Variants in LDLRAD3 observed in about 807,000 individuals in gnomAD.
The protein encoded by LDLRAD3 is low-density lipoprotein receptor class A domain-containing protein 3.
In LDLRAD3, 20 loss-of-function variants were observed where a neutral mutation model predicts 29.4. The observed-to-expected ratio is 0.68, with a 90% CI of 0.48 to 0.99. LDLRAD3 has a LOEUF of 0.99. Ranked by LOEUF, LDLRAD3 falls within the 50% of genes least tolerant of loss-of-function variation. LDLRAD3 has a pLI of 0.00. For synonymous variants in LDLRAD3, 157 were observed against 192.7 expected, an observed-to-expected ratio of 0.81 and a Z score of 1.53; for missense variants, 420 against 454.3, an observed-to-expected ratio of 0.92 and a Z score of 0.69.
intron 4 of LDLRAD3, among the ~76,000 whole-genome samples, chr11:36,192,857 G>A (rs927512203): frequency 1.3e-5 from 2 of 152,120 alleles, no homozygotes; most frequent in African/African-American, 2.4e-5. Context: ...GCACATGCTC[G>A]TGAGTATAGC....
chr11:35,949,612 G>A (rs758200738), intron 1 of LDLRAD3, among the ~76,000 whole-genome samples: 13 of 152,134 alleles, frequency 8.5e-5, no homozygotes, highest in South Asian at 8.3e-4. Flanking sequence ...AGTTTTCATC[G>A]TACACTTTTT....
chr11:36,099,433 A>C (rs1343584337), intron 4 of LDLRAD3, among the ~76,000 whole-genome samples: 2 of 152,048 alleles, frequency 1.3e-5, no homozygotes, highest in Non-Finnish European at 2.9e-5. Flanking sequence ...AATCTTTCCT[A>C]TTTTCACTTA....
chr11:36,062,935 C>T (rs78080793), intron 2 of LDLRAD3, among the ~76,000 whole-genome samples: 3,103 of 152,140 alleles, frequency 0.02, 92 homozygotes, highest in African/African-American at 0.062. Context: ...CTTTGTATAG[C>T]AGGGAAGAAA....
chr11:36,038,919 G>T (rs1313751896), intron 2 of LDLRAD3, among the ~76,000 whole-genome samples: 1 of 151,686 alleles, frequency 6.6e-6, no homozygotes, highest in Non-Finnish European at 1.5e-5. Context: ...TAGAGGGAAG[G>T]AGAAAAAGTC....
chr11:35,947,335 C>T (rs1037455017), intron 1 of LDLRAD3, among the ~76,000 whole-genome samples: 2 of 151,858 alleles, frequency 1.3e-5, no homozygotes, highest in East Asian at 1.9e-4. Context: ...ATGGTGAAAC[C>T]GTCGTCTCTA....
At chr11:36,170,451 T>A (rs1045827236) in intron 4 of LDLRAD3, among the ~76,000 whole-genome samples, 3 of 152,038 alleles carry the variant, frequency 2.0e-5, no homozygotes, top group Admixed American at 1.3e-4. Flanking sequence ...TTGCAAATTG[T>A]GCTGCTATAA....
At chr11:36,014,521 T>C (rs1207467516) in intron 1 of LDLRAD3, among the ~76,000 whole-genome samples, 1 of 152,178 alleles carries the variant, frequency 6.6e-6, no homozygotes, top group Non-Finnish European at 1.5e-5. Flanking sequence ...ACAACTCCCC[T>C]TGGCTGGGTG....
At chr11:35,991,190 A>G (rs562535888) in intron 1 of LDLRAD3, among the ~76,000 whole-genome samples, 14 of 152,294 alleles carry the variant, frequency 9.2e-5, no homozygotes, top group Middle Eastern at 6.8e-3. Flanking sequence ...ATGCATCTCA[A>G]TTACAGAATA....
chr11:36,027,114 C>T (rs769342782), intron 1 of LDLRAD3, among the ~76,000 whole-genome samples: 4 of 152,180 alleles, frequency 2.6e-5, no homozygotes, highest in Non-Finnish European at 5.9e-5. Context: ...CCAAATTGCT[C>T]TTCAGATGTG....
intron 4 of LDLRAD3, among the ~76,000 whole-genome samples, chr11:36,183,209 A>T (rs143323207): frequency 6.6e-6 from 1 of 152,314 alleles, no homozygotes; most frequent in Non-Finnish European, 1.5e-5. Context: ...CTTTTGGGAG[A>T]CACTTCACAA....
chr11:36,002,979 T>A (rs1851842525), intron 1 of LDLRAD3, among the ~76,000 whole-genome samples: 1 of 152,268 alleles, frequency 6.6e-6, no homozygotes, highest in South Asian at 2.1e-4. Context: ...GTTATTACGT[T>A]ATCATCACAT....
At chr11:36,099,901 T>G (rs1390097587) in intron 4 of LDLRAD3, among the ~76,000 whole-genome samples, 1 of 152,172 alleles carries the variant, frequency 6.6e-6, no homozygotes, top group Non-Finnish European at 1.5e-5. Flanking sequence ...TTGGATAGAA[T>G]TAGCTTCTGA....
rs190322890 is a variant in LDLRAD3, at chr11:36,052,038, G to A, written c.193+15789G>A. 4.9e-4 allele frequency among the ~76,000 whole-genome samples: 75 copies of A among 152,332 alleles called. 2 individuals are homozygous for A. The East Asian group carries it at 6.6e-3, about 13-fold the overall frequency. ...AACAAGCAGCCCAGGGGAGTCTGGT[G>A]CTCACTGAATTTTGAAACTCATCTG... On this transcript the variant is annotated intron_variant, in intron 2 of 5. Transcript: ENST00000315571.
At position 36,171,881 on chromosome 11, in the gene LDLRAD3, G is replaced by A. The variant is rs185259937; in HGVS notation, c.455-55204G>A. Reference sequence around the variant, plus strand: ...AAGAATTATGATAATATATTGATGGGAATTAGATTGAATTTGGAGATTGCT... The same window carrying A: ...AAGAATTATGATAATATATTGATGGAAATTAGATTGAATTTGGAGATTGCT... On this transcript the variant is annotated intron_variant, in intron 4 of 5. Transcript: ENST00000315571. Among the ~76,000 whole-genome samples the A allele has an allele frequency of 3.3e-3, 498 of 152,106 alleles. 3 individuals are homozygous for A. Among genetic ancestry groups the A allele is most frequent in the Non-Finnish European group, 4.4e-3 (300 of 68,004 alleles).
intron 4 of LDLRAD3, among the ~76,000 whole-genome samples, chr11:36,191,647 A>G (rs1464135514): frequency 6.7e-6 from 1 of 149,770 alleles, no homozygotes; most frequent in Non-Finnish European, 1.5e-5. Context: ...CACAAAGAAG[A>G]AATTGATAGA....
chr11:35,976,931 T>C (rs1851484267), intron 1 of LDLRAD3, among the ~76,000 whole-genome samples: 1 of 152,234 alleles, frequency 6.6e-6, no homozygotes, highest in Admixed American at 6.5e-5. Flanking sequence ...TTTATTTATC[T>C]TGGAGTTCTA....
At chr11:36,012,008 G>T (rs903434695) in intron 1 of LDLRAD3, among the ~76,000 whole-genome samples, 1 of 152,134 alleles carries the variant, frequency 6.6e-6, no homozygotes, top group Non-Finnish European at 1.5e-5. Flanking sequence ...TATTTTCTTC[G>T]AAAGTGATTT....
intron 1 of LDLRAD3, among the ~76,000 whole-genome samples, chr11:35,966,451 T>A (rs561413749): frequency 6.6e-6 from 1 of 152,306 alleles, no homozygotes; most frequent in African/African-American, 2.4e-5. Flanking sequence ...AAATGCAGTA[T>A]TCTTTTCCTT....
chr11:36,033,478 C>T (rs1213652098), intron 1 of LDLRAD3, among the ~76,000 whole-genome samples: 8 of 152,182 alleles, frequency 5.3e-5, no homozygotes, highest in South Asian at 2.1e-4. Context: ...CCAATTTTCC[C>T]GCTCCAAAAA....
Sources: gnomAD v4.1 joint callset for allele counts (sites outside exome capture counted in the v4.1 genomes callset) on GRCh38, gnomAD v4.1.1 for gene constraint, MANE v1.5 for transcripts, NCBI Gene and HGNC (gene_info 2026-07-23, HGNC 2026-07-21) for gene names.